Variants in KSR2 observed in about 807,000 individuals in gnomAD.
KSR2 encodes the protein kinase suppressor of ras 2.
A neutral mutation model predicts 107.8 loss-of-function variants in KSR2; 25 were observed. That is an observed-to-expected ratio of 0.23 (90% CI 0.17 to 0.32). KSR2 has a LOEUF of 0.32. KSR2 is among the 10% of genes least tolerant of loss of function. The pLI, the probability that KSR2 is intolerant of heterozygous loss-of-function variation, is 1.00. For synonymous variants in KSR2, 480 were observed against 507.0 expected (o/e 0.95, Z 0.71); for missense variants, 887 against 1,268.9 (o/e 0.70, Z 4.57).
At chr12:117,757,891 C>A (rs529655640) in intron 4 of KSR2, among the ~76,000 whole-genome samples, 2 of 152,290 alleles carry the variant, frequency 1.3e-5, no homozygotes, top group African/African-American at 4.8e-5. Context: ...TCGTGGTGGT[C>A]TGGAACCAAA....
chr12:117,706,602 G>A (rs1245047736), intron 4 of KSR2, among the ~76,000 whole-genome samples: 1 of 151,972 alleles, frequency 6.6e-6, no homozygotes, highest in East Asian at 1.9e-4. Context: ...GCTGGAAGTG[G>A]GGATTCACTG....
intron 7 of KSR2, among the ~76,000 whole-genome samples, chr12:117,574,520 A>G (rs899157357): frequency 1.3e-5 from 2 of 152,176 alleles, no homozygotes; most frequent in Non-Finnish European, 2.9e-5. Context: ...ATCAAGCGAA[A>G]GGGGTTTCCC....
chr12:117,605,001 A>G (rs541696364), intron 5 of KSR2, among the ~76,000 whole-genome samples: 1 of 152,204 alleles, frequency 6.6e-6, no homozygotes, highest in Non-Finnish European at 1.5e-5. Context: ...GGGAAAAATG[A>G]ATTACCTGAG....
intron 10 of KSR2, 57 bp from the exon 11 acceptor site, chr12:117,531,764 G>C: frequency 9.3e-6 from 13 of 1,392,610 alleles, no homozygotes; most frequent in Non-Finnish European, 1.2e-5. Context: ...TCGCTTCAGG[G>C]ACCAGATTGA....
chr12:117,494,781 C>T lies in KSR2; in HGVS notation c.2220-9090G>A, dbSNP rs576810033. Among the ~76,000 whole-genome samples the T allele has an allele frequency of 3.3e-5, 5 of 152,248 alleles. No homozygotes were observed. The South Asian group carries it at 1.0e-3, about 32-fold the overall frequency. ...AGAGAGTAGATGGAGTTGGGGGCAT[C>T]TTTAGCCAGGGTGCCCAGGGAAAGC... On this transcript the variant is annotated intron_variant, in intron 14 of 19. Transcript: ENST00000339824.
chr12:117,624,677 G>T (rs545259437), intron 5 of KSR2, among the ~76,000 whole-genome samples: 2 of 152,254 alleles, frequency 1.3e-5, no homozygotes, highest in African/African-American at 4.8e-5. Context: ...TTTTGGCTTA[G>T]GATTGTCTTG....
chr12:117,902,276 T>C (rs941161582), intron 1 of KSR2, among the ~76,000 whole-genome samples: 5 of 152,064 alleles, frequency 3.3e-5, no homozygotes, highest in African/African-American at 9.7e-5. Context: ...CTGGCCAACA[T>C]GGTGAAACCC....
intron 1 of KSR2, among the ~76,000 whole-genome samples, chr12:117,939,185 G>A (rs547356271): frequency 6.6e-6 from 1 of 152,246 alleles, no homozygotes; most frequent in Admixed American, 6.5e-5. Flanking sequence ...ACCTGATTGA[G>A]GAATTGTTGG....
chr12:117,875,875 A>C (rs781654931), intron 1 of KSR2, among the ~76,000 whole-genome samples: 16 of 151,592 alleles, frequency 1.1e-4, no homozygotes, highest in Non-Finnish European at 1.8e-4. Context: ...CCACCACCAC[A>C]CACCCATCAT....
At chr12:117,754,584 G>A (rs11068673) in intron 4 of KSR2, among the ~76,000 whole-genome samples, 18,340 of 151,878 alleles carry the variant, frequency 0.12, 1,138 homozygotes, top group Non-Finnish European at 0.14. Flanking sequence ...GTTGCAGTGG[G>A]CTGAGATTGT....
At chr12:117,554,281 C>T (rs982673810) in intron 9 of KSR2, among the ~76,000 whole-genome samples, 5 of 152,086 alleles carry the variant, frequency 3.3e-5, no homozygotes, top group African/African-American at 1.2e-4. Context: ...CACAGAGGGG[C>T]CCACTGCTGA....
At chr12:117,723,070 C>A (rs1485794142) in intron 4 of KSR2, among the ~76,000 whole-genome samples, 2 of 152,186 alleles carry the variant, frequency 1.3e-5, no homozygotes, top group Non-Finnish European at 2.9e-5. Context: ...GACCAGGCTG[C>A]CCCTCAGTGG....
chr12:117,547,569 T>G lies in KSR2; in HGVS notation c.1518+7600A>C, dbSNP rs114725251. On this transcript the variant is annotated intron_variant, in intron 9 of 19. Coordinates refer to ENST00000339824, the MANE Select transcript of KSR2 (RefSeq NM_173598.6). ...GTTCAGCTTGACAAGGATGGGAGTC[T>G]AGACTCCCTACTTGATCTTTGCTGT... Among the ~76,000 whole-genome samples the G allele has an allele frequency of 9.8e-3, 1,492 of 152,208 alleles. 24 individuals carry two copies. The highest frequency in any genetic ancestry group is 0.033 in the African/African-American group (1,390 of 41,534).
intron 9 of KSR2, among the ~76,000 whole-genome samples, chr12:117,554,819 A>G (rs888127146): frequency 3.3e-5 from 5 of 152,152 alleles, no homozygotes; most frequent in African/African-American, 1.2e-4. Flanking sequence ...GCAGCATGAA[A>G]CAGACTAATA....
intron 7 of KSR2, among the ~76,000 whole-genome samples, chr12:117,569,505 TTCC>T (rs1878739198): frequency 6.6e-6 from 1 of 152,204 alleles, no homozygotes; most frequent in Non-Finnish European, 1.5e-5. Flanking sequence ...TAACTCAGGC[TTCC>T]AAACACCATG....
At chr12:117,621,695 G>T (rs184371874) in intron 5 of KSR2, among the ~76,000 whole-genome samples, 420 of 152,238 alleles carry the variant, frequency 2.8e-3, no homozygotes, top group Admixed American at 4.7e-3. Context: ...GTAATATATA[G>T]TGATGATGTA....
At chr12:117,710,830 C>A (rs899948104) in intron 4 of KSR2, among the ~76,000 whole-genome samples, 5 of 151,890 alleles carry the variant, frequency 3.3e-5, no homozygotes, top group Non-Finnish European at 7.4e-5. Context: ...GTCTCATATT[C>A]CTCCCTCACC....
rs375151608 is a variant in KSR2, at chr12:117,884,253, G to A, written c.181-23822C>T. ...GTGCCCCTCCTGCAGATTACATCTC[G>A]GCACAATTCCCAATCCCAGAGCAAA... is the stretch of plus-strand genomic sequence containing the variant. On this transcript the variant is annotated intron_variant, in intron 1 of 19. Coordinates refer to ENST00000339824, the MANE Select transcript of KSR2 (RefSeq NM_173598.6). Among the ~76,000 whole-genome samples, 17 of 152,132 alleles carry A rather than the reference G, an allele frequency of 1.1e-4. No homozygotes were observed. In the South Asian group the frequency reaches 2.5e-3, roughly 22 times the overall value.
intron 1 of KSR2, among the ~76,000 whole-genome samples, chr12:117,920,827 GTT>G (rs1191717608): frequency 1.3e-5 from 2 of 152,120 alleles, no homozygotes; most frequent in East Asian, 3.9e-4. Flanking sequence ...AGATGCAAGA[GTT>G]TCTGAATTTG....
Sources: allele counts gnomAD v4.1 joint callset (sites outside exome capture counted in the v4.1 genomes callset), GRCh38; gene constraint gnomAD v4.1.1; transcripts MANE v1.5; gene names NCBI Gene and HGNC (gene_info 2026-07-23, HGNC 2026-07-21).